The following ZFC3H1 variants were observed in gnomAD, a reference collection of about 807,000 sequenced individuals.
The protein encoded by ZFC3H1 is zinc finger C3H1 domain-containing protein.
A neutral mutation model predicts 243.7 loss-of-function variants in ZFC3H1; 71 were observed. The observed-to-expected ratio is 0.29, with a 90% CI of 0.24 to 0.36. The LOEUF is 0.36. Among genes scored for constraint, ZFC3H1 ranks in the 10% least tolerant of loss-of-function variants. The pLI, the probability that ZFC3H1 is intolerant of heterozygous loss-of-function variation, is 1.00. For synonymous variants in ZFC3H1, 838 were observed against 813.0 expected, an observed-to-expected ratio of 1.03 and a Z score of -0.52; for missense variants, 1,966 against 2,317.1, an observed-to-expected ratio of 0.85 and a Z score of 3.11.
Position 71,663,636 on chromosome 12 carries a change from CCTT to C in ZFC3H1, c.-29_-27del, listed in dbSNP as rs1881257229. On this transcript the variant is annotated 5_prime_UTR_variant, in exon 1 of 35. Coordinates refer to ENST00000378743, the MANE Select transcript of ZFC3H1 (RefSeq NM_144982.5). ...CCGGGGAGCAGCGCCTTCCACACAA[CCTT>C]AGCCCTCCGTCCGGGGATCCGCCCG... 6.3e-7 allele frequency: 1 copy of C among 1,589,496 alleles called. No individual in the cohort carries two copies. Among genetic ancestry groups the C allele is most frequent in the Admixed American group, 1.7e-5 (1 of 58,482 alleles).
Position 71,645,071 on chromosome 12 carries a change from A to C in ZFC3H1, c.1085T>G (p.Leu362Arg). 1 of 1,593,306 alleles carries C rather than the reference A, an allele frequency of 6.3e-7. No individual in the cohort carries two copies. Among genetic ancestry groups the C allele is most frequent in the Non-Finnish European group, 8.5e-7 (1 of 1,174,762 alleles). The change falls in exon 4 of 35, where the codon CTT becomes CGT. Residue 362 changes from leucine (L) to arginine (R), a missense_variant. Leu to Arg is a moderately radical substitution (Grantham distance 102). Transcript: ENST00000378743. Reference sequence around the variant, plus strand: ...AGATAGTTCCTCTTCATCTTCACCAAGTTTCTTTAAAGCAAAAAGAAAGAG... The same window carrying C: ...AGATAGTTCCTCTTCATCTTCACCACGTTTCTTTAAAGCAAAAAGAAAGAG... ...STSDILSEKKLGEDEEELSEL... is the reference protein window; with the variant it reads ...STSDILSEKKRGEDEEELSEL...
At chr12:71,657,911 C>T (rs1881062071) in intron 1 of ZFC3H1, among the ~76,000 whole-genome samples, 1 of 151,840 alleles carries the variant, frequency 6.6e-6, no homozygotes, top group Non-Finnish European at 1.5e-5. Context: ...ATTGCTTGAA[C>T]TCAGGAGGCG....
chr12:71,656,006 T>G (rs1350605593), intron 2 of ZFC3H1, among the ~76,000 whole-genome samples: 1 of 152,206 alleles, frequency 6.6e-6, no homozygotes, highest in African/African-American at 2.4e-5. Flanking sequence ...AAACACATTA[T>G]GCTCAATGAA....
At chr12:71,627,711 A>G in intron 21 of ZFC3H1, 40 bp downstream of exon 21, 3 of 1,547,904 alleles carry the variant, frequency 1.9e-6, no homozygotes, top group Non-Finnish European at 2.6e-6. Flanking sequence ...TAAAAATATA[A>G]ATGTGCAACT....
intron 19 of ZFC3H1, 49 bp downstream of exon 19, chr12:71,629,560 C>T (rs774104951): frequency 3.9e-6 from 3 of 760,036 alleles, no homozygotes; most frequent in Admixed American, 4.7e-5. Context: ...ATACAGTACA[C>T]ACACACACAC....
chr12:71,620,178 ATAAGGTTAG>A, intron 25 of ZFC3H1, 23 bp downstream of exon 25: 1 of 1,613,082 alleles, frequency 6.2e-7, no homozygotes, highest in East Asian at 2.2e-5. Flanking sequence ...ACTTTTTAAT[ATAAGGTTAG>A]CTGCTTGGCA....
chr12:71,634,627 A>T (rs1880413761), intron 11 of ZFC3H1, 77 bp downstream of exon 11: 4 of 1,439,392 alleles, frequency 2.8e-6, no homozygotes, highest in Non-Finnish European at 3.7e-6. Context: ...CTCATTCCCC[A>T]GTGCCAAGAA....
chr12:71,652,933 C>A (rs550558729), intron 2 of ZFC3H1, among the ~76,000 whole-genome samples: 1 of 150,596 alleles, frequency 6.6e-6, no homozygotes, highest in African/African-American at 2.4e-5. Flanking sequence ...GTCTCAAAAA[C>A]TTCCCACCAC....
chr12:71,612,290 CTA>C (rs1005588283), intron 31 of ZFC3H1, among the ~76,000 whole-genome samples: 1 of 151,786 alleles, frequency 6.6e-6, no homozygotes, highest in African/African-American at 2.4e-5. Context: ...TGTATAGTAA[CTA>C]TTAAAGTTCT....
chr12:71,642,665 T>C (rs1489290970), intron 5 of ZFC3H1, 106 bp from the exon 6 acceptor site: 2 of 1,344,746 alleles, frequency 1.5e-6, no homozygotes, highest in South Asian at 1.5e-5. Context: ...AAAATCATGG[T>C]GATTCAGTTA....
intron 27 of ZFC3H1, among the ~76,000 whole-genome samples, chr12:71,618,812 T>A (rs1450635763): frequency 1.3e-5 from 2 of 152,108 alleles, no homozygotes; most frequent in Non-Finnish European, 2.9e-5. Flanking sequence ...CAAGCACAGC[T>A]CTATATGAGC....
chr12:71,641,662 C>G (rs1880605623), intron 6 of ZFC3H1, among the ~76,000 whole-genome samples: 1 of 152,176 alleles, frequency 6.6e-6, no homozygotes, highest in Non-Finnish European at 1.5e-5. Flanking sequence ...TTCTAACCAG[C>G]CTTTCCTGAG....
At position 71,663,177 on chromosome 12, in the gene ZFC3H1, C is replaced by T. The variant is rs764849958; in HGVS notation, c.434G>A (p.Arg145His). ...ACCCCGGTAAGGCCTGCCTCGAAAG[C>T]GGAAACGGTCCAAGGCGAGGTGGCT... ...ERSHLALDRFRFRGRPYRGGS... is the reference protein window; with the variant it reads ...ERSHLALDRFHFRGRPYRGGS... The change falls in exon 1 of 35, where the codon CGC (arginine) becomes CAC (histidine). Residue 145 changes from arginine to histidine, a missense_variant. Arg to His is a conservative substitution (Grantham distance 29, BLOSUM62 0). This residue lies in a region of ZFC3H1 where 484 missense variants were observed against 449.7 expected (regional missense o/e 1.08). Transcript: ENST00000378743. The T allele has an allele frequency of 6.2e-7, 1 of 1,614,132 alleles. No homozygotes were observed. The highest frequency in any genetic ancestry group is 8.5e-7 in the Non-Finnish European group (1 of 1,180,030).
chr12:71,658,509 G>A (rs1357690622), intron 1 of ZFC3H1, among the ~76,000 whole-genome samples: 2 of 151,894 alleles, frequency 1.3e-5, no homozygotes, highest in Non-Finnish European at 2.9e-5. Context: ...GGCTGGTCTT[G>A]AAATCCTGAC....
Position 71,662,394 on chromosome 12 carries a change from G to A in ZFC3H1, c.598+619C>T, listed in dbSNP as rs11178882. Among the ~76,000 whole-genome samples, 42 of 152,030 alleles carry A rather than the reference G, an allele frequency of 2.8e-4. No individual in the cohort carries two copies. The East Asian group carries it at 3.9e-3, about 14-fold the overall frequency. ...TACACAATGTGCAAAAGTGAACACA[G>A]ATAGAAACGTAAAGGAGGTAAAGTG... On this transcript the variant is annotated intron_variant, in intron 1 of 34. Coordinates refer to ENST00000378743, the MANE Select transcript of ZFC3H1 (RefSeq NM_144982.5).
At chr12:71,613,065 GGT>G (rs1879811468) in intron 31 of ZFC3H1, among the ~76,000 whole-genome samples, 1 of 152,178 alleles carries the variant, frequency 6.6e-6, no homozygotes, top group South Asian at 2.1e-4. Flanking sequence ...AAGGACAGAT[GGT>G]GTGTGTTTAG....
intron 6 of ZFC3H1, among the ~76,000 whole-genome samples, chr12:71,640,879 C>T (rs1382175718): frequency 1.3e-5 from 2 of 151,344 alleles, no homozygotes; most frequent in African/African-American, 2.4e-5. Context: ...TTTTTTCCCC[C>T]GCCCGGCGAA....
In ZFC3H1 at chr12:71,646,040, T is replaced by C. The variant is rs1880722471; in HGVS notation, c.1081-965A>G. Among the ~76,000 whole-genome samples the C allele has an allele frequency of 5.3e-5, 8 of 152,222 alleles. No individual in the cohort carries two copies. The South Asian group carries it at 1.7e-3, about 31-fold the overall frequency. Reference sequence around the variant, plus strand: ...TTAAGGCCCACTTATCTAATAACTTTTTCTTATAGGTAAATTGTAATTATA... The same window carrying C: ...TTAAGGCCCACTTATCTAATAACTTCTTCTTATAGGTAAATTGTAATTATA... On this transcript the variant is annotated intron_variant, in intron 3 of 34. Transcript: ENST00000378743.
chr12:71,641,810 G>A (rs1238036257), intron 6 of ZFC3H1, among the ~76,000 whole-genome samples: 2 of 152,158 alleles, frequency 1.3e-5, no homozygotes, highest in South Asian at 4.1e-4. Context: ...AAGATCAAGA[G>A]TTTGTTTTTT....
Sources: allele counts gnomAD v4.1 joint callset (sites outside exome capture counted in the v4.1 genomes callset), GRCh38; gene constraint gnomAD v4.1.1; regional missense constraint gnomAD v4.1.1; transcripts MANE v1.5; gene names NCBI Gene and HGNC (gene_info 2026-07-23, HGNC 2026-07-21).